Variants in DPY19L2 observed in about 807,000 individuals in gnomAD.
The protein encoded by DPY19L2 is dpy-19 like 2.
In DPY19L2, 34 loss-of-function variants were observed where a neutral mutation model predicts 97.9. The ratio of observed to expected loss-of-function variants is 0.35; its 90% CI spans 0.26 to 0.46. The LOEUF (loss-of-function observed/expected upper bound fraction) is 0.46, where lower values mean the gene tolerates loss of function less well. DPY19L2 is among the 20% of genes least tolerant of loss of function. DPY19L2 has a pLI of 1.00. For missense variants in DPY19L2, 623 were observed against 911.4 expected, an observed-to-expected ratio of 0.68 and a Z score of 4.07; for synonymous variants, 230 against 307.9, an observed-to-expected ratio of 0.75 and a Z score of 2.65.
intron 16 of DPY19L2, 175 bp from the exon 17 acceptor site, chr12:63,584,011 T>A: frequency 1.8e-6 from 1 of 561,374 alleles, no homozygotes. Context: ...TACAACAATT[T>A]AAAAGTCATA....
intron 16 of DPY19L2, among the ~76,000 whole-genome samples, chr12:63,585,018 A>T (rs1483115363): frequency 6.6e-6 from 1 of 152,120 alleles, no homozygotes; most frequent in Admixed American, 6.5e-5. Flanking sequence ...ACGTGAACAG[A>T]AATGTGTTCC....
intron 19 of DPY19L2, among the ~76,000 whole-genome samples, chr12:63,572,088 C>T (rs1269006450): frequency 8.5e-5 from 13 of 152,118 alleles, no homozygotes; most frequent in East Asian, 1.9e-4. Context: ...CCAGCTTGGC[C>T]GCAGTGGGGA....
At chr12:63,642,146 C>G (rs1389669491) in intron 6 of DPY19L2, among the ~76,000 whole-genome samples, 1 of 152,108 alleles carries the variant, frequency 6.6e-6, no homozygotes, top group Non-Finnish European at 1.5e-5. Flanking sequence ...TTCACAAGGA[C>G]AGAGATCTCT....
chr12:63,639,147 C>T (rs905327794), intron 6 of DPY19L2, among the ~76,000 whole-genome samples: 47 of 152,166 alleles, frequency 3.1e-4, no homozygotes, highest in Middle Eastern at 6.8e-3. Flanking sequence ...AACTGGCTAG[C>T]CATATGTAGG....
intron 4 of DPY19L2, among the ~76,000 whole-genome samples, chr12:63,657,096 G>C (rs1183219883): frequency 6.6e-6 from 1 of 152,118 alleles, no homozygotes. Context: ...CTGAAAGTTA[G>C]ACATGTTGTA....
At chr12:63,563,576 A>G (rs1268723381) in intron 21 of DPY19L2, among the ~76,000 whole-genome samples, 3 of 152,182 alleles carry the variant, frequency 2.0e-5, no homozygotes, top group Admixed American at 6.5e-5. Context: ...TGGTTTTCAA[A>G]TAGTGAGACA....
Position 63,663,755 on chromosome 12 carries a change from A to C in DPY19L2, c.450+3T>G. 6.3e-7 allele frequency: 1 copy of C among 1,599,022 alleles called. No homozygotes were observed. Among genetic ancestry groups the C allele is most frequent in the Non-Finnish European group, 8.5e-7 (1 of 1,175,256 alleles). On this transcript the variant is annotated splice_donor_region_variant and intron_variant, in intron 3 of 21. Transcript: ENST00000324472. ...ATTAATTCATTAGAAGAAGAAACCTAACCATTTCAGTGCGAAAAGTCATCT... is the reference window on the plus strand; with the variant it reads ...ATTAATTCATTAGAAGAAGAAACCTCACCATTTCAGTGCGAAAAGTCATCT...
intron 16 of DPY19L2, among the ~76,000 whole-genome samples, chr12:63,587,724 C>G (rs1479433047): frequency 1.3e-5 from 2 of 151,850 alleles, no homozygotes; most frequent in Admixed American, 1.3e-4. Flanking sequence ...AGGTGTGTGC[C>G]ACCACACCCA....
chr12:63,617,084 C>T (rs1887964325), intron 11 of DPY19L2, among the ~76,000 whole-genome samples: 1 of 152,064 alleles, frequency 6.6e-6, no homozygotes, highest in Admixed American at 6.6e-5. Context: ...ACTTTATGAT[C>T]ATTTTTAAAT....
At chr12:63,590,109 CAAAAA>C (rs559608789) in intron 16 of DPY19L2, among the ~76,000 whole-genome samples, 1 of 141,636 alleles carries the variant, frequency 7.1e-6, no homozygotes, top group African/African-American at 2.9e-5. Flanking sequence ...AGCAGCGAGA[CAAAAA>C]AAACAAAACA....
At chr12:63,654,012 TAAAC>T (rs1387536197) in intron 4 of DPY19L2, among the ~76,000 whole-genome samples, 5 of 151,708 alleles carry the variant, frequency 3.3e-5, no homozygotes, top group Non-Finnish European at 5.9e-5. Context: ...TAAAAATAAA[TAAAC>T]AAATTTAAAA....
intron 12 of DPY19L2, among the ~76,000 whole-genome samples, chr12:63,601,709 C>G (rs1416038983): frequency 6.6e-6 from 1 of 151,984 alleles, no homozygotes; most frequent in Non-Finnish European, 1.5e-5. Context: ...AATGGGAGTA[C>G]AGAGCAGGGC....
chr12:63,668,185 A>T lies in DPY19L2; in HGVS notation c.209T>A (p.Leu70Gln). The T allele has an allele frequency of 1.2e-6, 2 of 1,613,828 alleles. No homozygotes were observed. The highest frequency in any genetic ancestry group is 1.3e-5 in the African/African-American group (1 of 74,958). ...AAGAAAGGTCTTGGCCACCACCTCT[A>T]GCTCCAAGCCTTTTCGCTCTTTCAG... Reference protein sequence around the residue: ...QSLKERKGLELEVVAKTFLLG... With the variant: ...QSLKERKGLEQEVVAKTFLLG... The change falls in exon 1 of 22, where the codon CTA (leucine) becomes CAA (glutamine). Residue 70 changes from leucine (L) to glutamine (Q), a missense_variant. Leu to Gln is a moderately radical substitution (Grantham distance 113). This residue lies in a region of DPY19L2 where 144 missense variants were observed against 119.4 expected (regional missense o/e 1.21). Transcript: ENST00000324472.
intron 6 of DPY19L2, among the ~76,000 whole-genome samples, chr12:63,630,056 C>G (rs1229939483): frequency 6.6e-6 from 1 of 152,050 alleles, no homozygotes; most frequent in Non-Finnish European, 1.5e-5. Flanking sequence ...TAAAAGAGCT[C>G]CTGAAGGAAG....
At chr12:63,652,750 C>A (rs1894440535) in intron 4 of DPY19L2, among the ~76,000 whole-genome samples, 1 of 152,056 alleles carries the variant, frequency 6.6e-6, no homozygotes, top group South Asian at 2.1e-4. Context: ...AAGAAGGGAA[C>A]AACAGACACT....
chr12:63,627,277 A>G lies in DPY19L2; in HGVS notation c.804-751T>C, dbSNP rs550367726. 6.4e-4 allele frequency among the ~76,000 whole-genome samples: 97 copies of G among 152,324 alleles called. 1 individual carries two copies. Among genetic ancestry groups the G allele is most frequent in the African/African-American group, 2.3e-3 (94 of 41,574 alleles). ...CAAATATTCTTTACTTGAGTCCCAG[A>G]GAAGCAATAATGCAGAATACAAAAA... On this transcript the variant is annotated intron_variant, in intron 6 of 21. Coordinates refer to ENST00000324472, the MANE Select transcript of DPY19L2 (RefSeq NM_173812.5).
chr12:63,562,420 A>G (rs1876740062), intron 21 of DPY19L2, among the ~76,000 whole-genome samples: 1 of 146,878 alleles, frequency 6.8e-6, no homozygotes, highest in African/African-American at 2.7e-5. Context: ...TTATACATTC[A>G]TCTGCTGATA....
chr12:63,607,977 A>G (rs1886343069), intron 12 of DPY19L2, among the ~76,000 whole-genome samples: 1 of 152,122 alleles, frequency 6.6e-6, no homozygotes, highest in South Asian at 2.1e-4. Context: ...CCAGAGAAAA[A>G]GAATATTGTC....
Position 63,569,324 on chromosome 12 carries a change from T to C in DPY19L2, c.2026A>G (p.Thr676Ala), listed in dbSNP as rs1878360988. ...LRARTKIVYSTYSRKSAKEVR... is the reference protein window; with the variant it reads ...LRARTKIVYSAYSRKSAKEVR... ...TCTTTGGCAGATTTTCGACTATATG[T>C]AGAATAAACTATTTTTGTCCGAGCC... Residue 676 changes from threonine to alanine, a missense_variant, in exon 21 of 22, where the codon ACA becomes GCA. This residue lies in a region of DPY19L2 where 294 missense variants were observed against 446.2 expected (regional missense o/e 0.66). Coordinates refer to ENST00000324472, the MANE Select transcript of DPY19L2 (RefSeq NM_173812.5). The C allele has an allele frequency of 6.3e-7, 1 of 1,591,876 alleles. No individual in the cohort carries two copies. The highest frequency in any genetic ancestry group is 8.5e-7 in the Non-Finnish European group (1 of 1,171,266).
Sources: allele counts gnomAD v4.1 joint callset (sites outside exome capture counted in the v4.1 genomes callset), GRCh38; gene constraint gnomAD v4.1.1; regional missense constraint gnomAD v4.1.1; transcripts MANE v1.5; gene names NCBI Gene and HGNC (gene_info 2026-07-23, HGNC 2026-07-21).